The following MYLK4 variants were observed in gnomAD, a reference collection of about 807,000 sequenced individuals.
MYLK4 encodes myosin light chain kinase family member 4.
Under a neutral mutation model 48.1 loss-of-function variants are expected in MYLK4, and 46 were observed. The observed-to-expected ratio is 0.96, with a 90% confidence interval of 0.75 to 1.22. The LOEUF is 1.22. Ranked by LOEUF, MYLK4 falls within the 50% of genes most tolerant of loss-of-function variation. MYLK4 has a pLI of 0.00. For synonymous variants in MYLK4, 170 were observed against 180.8 expected, an observed-to-expected ratio of 0.94 and a Z score of 0.48; for missense variants, 451 against 486.1, an observed-to-expected ratio of 0.93 and a Z score of 0.68.
chr6:2,680,177 T>G (rs1355789833), intron 8 of MYLK4, 44 bp downstream of exon 8: 1 of 1,600,092 alleles, frequency 6.2e-7, no homozygotes, highest in Non-Finnish European at 8.5e-7. Context: ...GCAACCATCA[T>G]GTCCCCCAGC....
the MYLK4 span, among the ~76,000 whole-genome samples, chr6:2,763,848 GAA>G: frequency 6.7e-6 from 1 of 149,968 alleles, no homozygotes; most frequent in African/African-American, 2.5e-5. Context: ...AGGGACAAAT[GAA>G]AAAAAAAAGC....
chr6:2,683,321 T>C (rs565702496), intron 6 of MYLK4, among the ~76,000 whole-genome samples, 159 bp from the exon 7 acceptor site: 2 of 152,226 alleles, frequency 1.3e-5, no homozygotes, highest in African/African-American at 2.4e-5. Flanking sequence ...ATGATTCTTA[T>C]CTTGAAGGCC....
chr6:2,678,711 G>GTTTTTTTT (rs11344815), intron 9 of MYLK4, among the ~76,000 whole-genome samples: 1 of 132,320 alleles, frequency 7.6e-6, no homozygotes, highest in Admixed American at 7.7e-5. Flanking sequence ...TAGGAGATCA[G>GTTTTTTTT]TTTTTTTTTT....
chr6:2,763,122 G>T, the MYLK4 span, among the ~76,000 whole-genome samples: 32 of 152,226 alleles, frequency 2.1e-4, no homozygotes, highest in African/African-American at 7.2e-4. Context: ...GTTTTACGGA[G>T]AGCTGATTGG....
intron 2 of MYLK4, among the ~76,000 whole-genome samples, chr6:2,747,296 A>G (rs2169375): frequency 0.65 from 99,258 of 152,054 alleles, 32,895 homozygotes; most frequent in Non-Finnish European, 0.71. Context: ...TTGGCTGCAC[A>G]AAAGTAACAT....
At chr6:2,737,403 T>C (rs1474292382) in intron 2 of MYLK4, among the ~76,000 whole-genome samples, 1 of 152,256 alleles carries the variant, frequency 6.6e-6, no homozygotes, top group Admixed American at 6.5e-5. Context: ...ACCTGTGACC[T>C]TGGTAGTACA....
intron 2 of MYLK4, among the ~76,000 whole-genome samples, chr6:2,719,574 T>G (rs1762994502): frequency 6.6e-6 from 1 of 152,240 alleles, no homozygotes; most frequent in Non-Finnish European, 1.5e-5. Context: ...TTGAAGTTTG[T>G]GCCTCTGTTT....
rs931664275 is a variant in MYLK4, at chr6:2,673,572, C to A, written c.1119+1475G>T. Among the ~76,000 whole-genome samples, 3 of 152,134 alleles carry A rather than the reference C, an allele frequency of 2.0e-5. No homozygotes were observed. The highest frequency in any genetic ancestry group is 4.4e-5 in the Non-Finnish European group (3 of 68,016). On this transcript the variant is annotated intron_variant, in intron 11 of 12. Transcript: ENST00000274643. The surrounding 1 kb of genome is among the most constrained non-coding windows in gnomAD (Gnocchi z 4.2). ...AAACCCATGCTATACCAGGGCAGGG[C>A]ACCAGCCACCCTAACTGATAGGTAC...
intron 2 of MYLK4, among the ~76,000 whole-genome samples, chr6:2,723,225 C>T (rs551845042): frequency 6.6e-6 from 1 of 152,290 alleles, no homozygotes; most frequent in East Asian, 1.9e-4. Context: ...CCTGGGAAGT[C>T]AAGGCTGCAG....
chr6:2,743,977 C>T (rs900830367), intron 2 of MYLK4: 18 of 398,818 alleles, frequency 4.5e-5, no homozygotes, highest in South Asian at 3.8e-4. Context: ...GAACTGAAGA[C>T]GAGAGAAGGC....
At chr6:2,759,649 G>A in the MYLK4 span, among the ~76,000 whole-genome samples, 91 of 152,248 alleles carry the variant, frequency 6.0e-4, no homozygotes, top group Admixed American at 5.2e-3. Flanking sequence ...TCATTTTCAT[G>A]TAGTAAGATG....
the MYLK4 span, chr6:2,765,635 G>A: frequency 6.5e-7 from 1 of 1,537,252 alleles, no homozygotes; most frequent in South Asian, 1.2e-5. Context: ...GGAGGTGAGC[G>A]GGCCGGAAGA....
intron 7 of MYLK4, 98 bp from the exon 8 acceptor site, chr6:2,680,389 A>G: frequency 1.9e-6 from 3 of 1,590,322 alleles, no homozygotes; most frequent in Non-Finnish European, 2.6e-6. Context: ...CTCAGAAAAA[A>G]CATATCAGGC....
upstream of MYLK4, among the ~76,000 whole-genome samples, chr6:2,752,808 T>G (rs1023137424): frequency 1.3e-5 from 2 of 152,216 alleles, no homozygotes; most frequent in Non-Finnish European, 2.9e-5. Flanking sequence ...TTGTGTCTAC[T>G]TGCCCTAAAA....
the MYLK4 span, chr6:2,766,283 A>C: frequency 6.3e-7 from 1 of 1,592,530 alleles, no homozygotes; most frequent in East Asian, 2.3e-5. Flanking sequence ...GATCCGACAG[A>C]TGCTACAGGG....
chr6:2,767,207 T>C, the MYLK4 span, among the ~76,000 whole-genome samples: 1 of 152,098 alleles, frequency 6.6e-6, no homozygotes, highest in Non-Finnish European at 1.5e-5. Flanking sequence ...AGAAAGCATG[T>C]CATTGGAAAA....
At chr6:2,678,078 G>T in intron 10 of MYLK4, 142 bp downstream of exon 10, 1 of 1,030,576 alleles carries the variant, frequency 9.7e-7, no homozygotes, top group Non-Finnish European at 1.4e-6. Context: ...ACTGGGTCAA[G>T]AGGCTCAAAC....
At chr6:2,766,161 C>T in the MYLK4 span, 2 of 1,332,970 alleles carry the variant, frequency 1.5e-6, no homozygotes, top group South Asian at 2.1e-5. Context: ...GACGCGGACG[C>T]GGACGGCGAG....
At chr6:2,739,178 G>A (rs1377014994) in intron 2 of MYLK4, among the ~76,000 whole-genome samples, 1 of 152,146 alleles carries the variant, frequency 6.6e-6, no homozygotes, top group Non-Finnish European at 1.5e-5. Context: ...CTTCGGCCAG[G>A]CACAGTGGCT....
Sources: allele counts gnomAD v4.1 joint callset (sites outside exome capture counted in the v4.1 genomes callset), GRCh38; gene constraint gnomAD v4.1.1; non-coding constraint Gnocchi (gnomAD v3.1); transcripts MANE v1.5; gene names NCBI Gene and HGNC (gene_info 2026-07-23, HGNC 2026-07-21).